Variants in PHF8 observed in about 807,000 individuals in gnomAD.
PHF8 encodes histone lysine demethylase PHF8.
Under a neutral mutation model 74.4 loss-of-function variants are expected in PHF8, and 9 were observed. The observed-to-expected ratio is 0.12, with a 90% confidence interval of 0.07 to 0.21. The LOEUF is 0.21. Ranked by LOEUF, PHF8 falls within the 10% of genes least tolerant of loss-of-function variation. The pLI is 1.00. For synonymous variants in PHF8, 311 were observed against 316.6 expected, an observed-to-expected ratio of 0.98 and a Z score of 0.19; for missense variants, 478 against 816.6, an observed-to-expected ratio of 0.59 and a Z score of 5.05.
chrX:53,954,779 A>G (rs886775990), intron 19 of PHF8, among the ~76,000 whole-genome samples: 2 of 110,351 alleles, frequency 1.8e-5, no homozygotes, highest in Admixed American at 9.8e-5. Context: ...TGATTACTGT[A>G]GCACTATAGT....
chrX:53,939,410 C>A (rs1378363755), intron 21 of PHF8, among the ~76,000 whole-genome samples, 164 bp from the exon 22 acceptor site: 1 of 111,532 alleles, frequency 9.0e-6, no homozygotes, highest in Non-Finnish European at 1.9e-5. Context: ...TACTTCCAAC[C>A]AACACCACAT....
At chrX:53,982,304 A>G (rs1374150060) in intron 18 of PHF8, among the ~76,000 whole-genome samples, 1 of 112,659 alleles carries the variant, frequency 8.9e-6, no homozygotes, top group Non-Finnish European at 1.9e-5. Flanking sequence ...GATTTGCTCT[A>G]CCAGAAACAA....
At chrX:53,987,302 A>C (rs1419845871) in intron 15 of PHF8, 139 bp from the exon 16 acceptor site, 1 of 476,305 alleles carries the variant, frequency 2.1e-6, no homozygotes, top group Non-Finnish European at 3.7e-6. Flanking sequence ...TCAGGTGATA[A>C]ATAAATCTTT....
intron 14 of PHF8, among the ~76,000 whole-genome samples, chrX:53,991,707 T>G (rs1459846265): frequency 2.3e-5 from 2 of 88,378 alleles, no homozygotes; most frequent in African/African-American, 8.6e-5. Flanking sequence ...ATGAGAAGTA[T>G]AAAATATATA....
chrX:53,995,176 G>A (rs1280373762), intron 12 of PHF8: 6 of 340,427 alleles, frequency 1.8e-5, no homozygotes, highest in Non-Finnish European at 2.9e-5. Flanking sequence ...GTTGAAACAT[G>A]GCTTTGTAAT....
At chrX:54,008,953 G>T (rs2065938337) in intron 8 of PHF8, among the ~76,000 whole-genome samples, 1 of 111,687 alleles carries the variant, frequency 9.0e-6, no homozygotes, top group Non-Finnish European at 1.9e-5. Context: ...GAGACGGGTG[G>T]ATCACCTGAG....
chrX:53,973,607 C>T (rs782479510), intron 18 of PHF8, among the ~76,000 whole-genome samples: 15 of 111,606 alleles, frequency 1.3e-4, no homozygotes, highest in Non-Finnish European at 2.3e-4. Flanking sequence ...AAAATTAAAA[C>T]TGGATCCCTT....
intron 10 of PHF8, among the ~76,000 whole-genome samples, chrX:54,000,538 G>A (rs1243851356): frequency 8.9e-6 from 1 of 112,636 alleles, no homozygotes; most frequent in Non-Finnish European, 1.9e-5. Flanking sequence ...TCCAGCATCT[G>A]ATTGAACACT....
intron 2 of PHF8, among the ~76,000 whole-genome samples, chrX:54,042,249 C>T (rs1204782749): frequency 2.8e-5 from 3 of 108,650 alleles, no homozygotes; most frequent in Admixed American, 1.0e-4. Context: ...TGCTGTGAGC[C>T]GAGATCGCGC....
chrX:54,020,058 C>A (rs1168457509), intron 4 of PHF8, among the ~76,000 whole-genome samples: 1 of 108,250 alleles, frequency 9.2e-6, no homozygotes, highest in East Asian at 3.0e-4. Context: ...TGGTGGCAGG[C>A]GCCAGTAATC....
intron 20 of PHF8, chrX:53,942,840 G>A: frequency 1.3e-6 from 1 of 744,112 alleles, no homozygotes; most frequent in South Asian, 6.9e-5. Context: ...TACTCACTGA[G>A]GGGACTATGA....
chrX:54,026,415 C>T (rs1388051243), intron 2 of PHF8, among the ~76,000 whole-genome samples: 1 of 108,541 alleles, frequency 9.2e-6, no homozygotes, highest in South Asian at 4.0e-4. Flanking sequence ...AAATTCCCCA[C>T]TCAACTCTCT....
chrX:53,942,130 C>G (rs1031963273), intron 20 of PHF8, among the ~76,000 whole-genome samples: 2 of 111,938 alleles, frequency 1.8e-5, no homozygotes, highest in Admixed American at 1.9e-4. Context: ...TTCACCTTGC[C>G]AATCCCGTTG....
At chrX:54,019,048 A>G (rs1557109027) in intron 4 of PHF8, among the ~76,000 whole-genome samples, 1 of 112,437 alleles carries the variant, frequency 8.9e-6, no homozygotes, top group Non-Finnish European at 1.9e-5. Flanking sequence ...TTAACCATAT[A>G]GAAATTAAAA....
At chrX:53,961,874 G>A (rs1350073045) in intron 19 of PHF8, among the ~76,000 whole-genome samples, 1 of 111,448 alleles carries the variant, frequency 9.0e-6, no homozygotes, top group Non-Finnish European at 1.9e-5. Flanking sequence ...GATACTTTGC[G>A]ATGTGACTTT....
chrX:54,012,949 A>AT (rs2066004715), intron 7 of PHF8, among the ~76,000 whole-genome samples: 1 of 106,220 alleles, frequency 9.4e-6, no homozygotes, highest in African/African-American at 3.4e-5. Flanking sequence ...CAAAAAAAAA[A>AT]AAAAAAAAGG....
intron 7 of PHF8, among the ~76,000 whole-genome samples, chrX:54,013,155 T>C (rs1972962415): frequency 9.0e-6 from 1 of 110,932 alleles, no homozygotes; most frequent in African/African-American, 3.3e-5. Context: ...GAAAACTAAA[T>C]AATCTGAACA....
intron 19 of PHF8, among the ~76,000 whole-genome samples, chrX:53,958,623 T>C (rs2065051977): frequency 9.6e-6 from 1 of 103,824 alleles, no homozygotes; most frequent in Non-Finnish European, 2.0e-5. Flanking sequence ...CTACTAAAAG[T>C]ACAAAAAATT....
intron 20 of PHF8, chrX:53,942,704 C>A: frequency 2.7e-6 from 2 of 734,711 alleles, no homozygotes; most frequent in Non-Finnish European, 3.2e-6. Context: ...TAGAAAAAGG[C>A]CTCTGAAATA....
Sources: allele counts gnomAD v4.1 joint callset (sites outside exome capture counted in the v4.1 genomes callset), GRCh38; gene constraint gnomAD v4.1.1; transcripts MANE v1.5; gene names NCBI Gene and HGNC (gene_info 2026-07-23, HGNC 2026-07-21).